The following DYM variants were observed in gnomAD, a reference collection of about 807,000 sequenced individuals.
DYM encodes dymeclin.
Under a neutral mutation model 93.1 loss-of-function variants are expected in DYM, and 78 were observed. The ratio of observed to expected loss-of-function variants is 0.84; its 90% CI spans 0.70 to 1.01. DYM has a LOEUF of 1.01. Among genes scored for constraint, DYM ranks in the 50% least tolerant of loss-of-function variants. The pLI, the probability that DYM is intolerant of heterozygous loss-of-function variation, is 0.00. For missense variants in DYM, 789 were observed against 845.0 expected (o/e 0.93, Z 0.82); for synonymous variants, 321 against 319.7 (o/e 1.00, Z -0.04).
chr18:49,051,130 G>T (rs766408451), intron 17 of DYM, among the ~76,000 whole-genome samples: 1 of 152,210 alleles, frequency 6.6e-6, no homozygotes, highest in Non-Finnish European at 1.5e-5. Flanking sequence ...GGACCTGAGT[G>T]TGCCCTTAGA....
chr18:49,291,356 C>T (rs931376493), intron 8 of DYM, among the ~76,000 whole-genome samples: 2 of 152,100 alleles, frequency 1.3e-5, no homozygotes, highest in Non-Finnish European at 2.9e-5. Flanking sequence ...ACTGAACACA[C>T]AAAATAAAGT....
At chr18:49,216,532 G>A (rs1383223872) in intron 13 of DYM, among the ~76,000 whole-genome samples, 1 of 152,112 alleles carries the variant, frequency 6.6e-6, no homozygotes. Flanking sequence ...ATCTCACACG[G>A]CCGGGTACTC....
chr18:49,370,884 G>A (rs752357469), intron 5 of DYM, among the ~76,000 whole-genome samples: 9 of 152,182 alleles, frequency 5.9e-5, no homozygotes, highest in Non-Finnish European at 1.2e-4. Flanking sequence ...GCATTGATGG[G>A]CTTCCCAGAA....
At chr18:49,110,123 C>T (rs1599821024) in intron 16 of DYM, among the ~76,000 whole-genome samples, 1 of 152,184 alleles carries the variant, frequency 6.6e-6, no homozygotes, top group Non-Finnish European at 1.5e-5. Context: ...TCTATGGCTG[C>T]CATTGAATTA....
intron 8 of DYM, among the ~76,000 whole-genome samples, chr18:49,324,042 C>T (rs1434343314): frequency 7.1e-6 from 1 of 141,176 alleles, no homozygotes; most frequent in Non-Finnish European, 1.5e-5. Context: ...AGCTGAGGCA[C>T]GACAATCGCT....
chr18:49,289,920 A>T (rs968157401), intron 8 of DYM, among the ~76,000 whole-genome samples: 2 of 151,478 alleles, frequency 1.3e-5, no homozygotes, highest in Admixed American at 1.3e-4. Context: ...TTTTTAAAAG[A>T]CTGATAACAC....
At chr18:49,261,738 AG>A (rs1256562730) in intron 11 of DYM, among the ~76,000 whole-genome samples, 36 of 152,346 alleles carry the variant, frequency 2.4e-4, no homozygotes, top group African/African-American at 8.7e-4. Context: ...TGTTTGGGAA[AG>A]TACAAAAAAC....
intron 16 of DYM, among the ~76,000 whole-genome samples, chr18:49,102,106 C>A (rs957293163): frequency 6.6e-6 from 1 of 152,146 alleles, no homozygotes; most frequent in African/African-American, 2.4e-5. Flanking sequence ...GCATCTACTG[C>A]ATAGGAACCA....
intron 13 of DYM, among the ~76,000 whole-genome samples, chr18:49,255,056 G>A (rs1405820777): frequency 1.3e-5 from 2 of 152,058 alleles, no homozygotes; most frequent in Non-Finnish European, 2.9e-5. Context: ...AATGTATTAA[G>A]ACCAGACATA....
At position 49,444,940 on chromosome 18, in the gene DYM, T is replaced by C. The variant is rs1255680840; in HGVS notation, c.-53-14493A>G. Among the ~76,000 whole-genome samples the C allele has an allele frequency of 4.6e-5, 7 of 152,304 alleles. No individual in the cohort carries two copies. The East Asian group carries it at 1.3e-3, about 29-fold the overall frequency. On this transcript the variant is annotated intron_variant, in intron 1 of 17. Coordinates refer to ENST00000675505, the MANE Select transcript of DYM (RefSeq NM_001353214.3). Reference sequence around the variant, plus strand: ...ATCAGCATTAATAGGTGGTTAATGCTGCATCTATAATCAATTTTGATGATA... The same window carrying C: ...ATCAGCATTAATAGGTGGTTAATGCCGCATCTATAATCAATTTTGATGATA...
At chr18:49,412,344 T>C (rs78036521) in intron 2 of DYM, among the ~76,000 whole-genome samples, 3 of 151,824 alleles carry the variant, frequency 2.0e-5, no homozygotes, top group Non-Finnish European at 4.4e-5. Flanking sequence ...CTTTAAAGGA[T>C]ATATTTCCCC....
chr18:49,259,837 C>G (rs2094462278), intron 11 of DYM, among the ~76,000 whole-genome samples: 1 of 152,118 alleles, frequency 6.6e-6, no homozygotes, highest in Non-Finnish European at 1.5e-5. Context: ...CATGAAGATC[C>G]ATGCTACTAT....
chr18:49,039,271 A>G lies in DYM; in HGVS notation c.*4784T>C, dbSNP rs749803967. 6.6e-6 allele frequency among the ~76,000 whole-genome samples: 1 copy of G among 152,212 alleles called. No homozygotes were observed. The highest frequency in any genetic ancestry group is 2.1e-4 in the South Asian group (1 of 4,830). On this transcript the variant is annotated 3_prime_UTR_variant, in exon 18 of 18. Coordinates refer to ENST00000675505, the MANE Select transcript of DYM (RefSeq NM_001353214.3). ...TTGTTTCTGCTGAGAAGGAGCTGTCAGTCTAATATTATTGCTCCTTTAATG... is the reference window on the plus strand; with the variant it reads ...TTGTTTCTGCTGAGAAGGAGCTGTCGGTCTAATATTATTGCTCCTTTAATG...
At chr18:49,235,356 C>G (rs555355525) in intron 13 of DYM, among the ~76,000 whole-genome samples, 2 of 152,124 alleles carry the variant, frequency 1.3e-5, no homozygotes, top group African/African-American at 4.8e-5. Flanking sequence ...GAACCTAAAT[C>G]TGACTGATAC....
intron 15 of DYM, among the ~76,000 whole-genome samples, chr18:49,161,004 T>C (rs956979684): frequency 2.6e-5 from 4 of 151,506 alleles, no homozygotes; most frequent in African/African-American, 9.7e-5. Context: ...CAATTAAATC[T>C]GAGAAAAGGC....
intron 16 of DYM, among the ~76,000 whole-genome samples, chr18:49,100,731 G>A (rs551779104): frequency 6.6e-6 from 1 of 152,238 alleles, no homozygotes; most frequent in East Asian, 1.9e-4. Context: ...TATACTATTT[G>A]TTTAATTCTC....
intron 6 of DYM, among the ~76,000 whole-genome samples, chr18:49,335,812 CTTTT>C (rs35594525): frequency 1.4e-5 from 2 of 147,208 alleles, no homozygotes; most frequent in African/African-American, 5.0e-5. Context: ...CGTTTTCTGT[CTTTT>C]TTTTTTTTCT....
chr18:49,298,496 G>C (rs1474138140), intron 8 of DYM, among the ~76,000 whole-genome samples: 1 of 151,196 alleles, frequency 6.6e-6, no homozygotes, highest in East Asian at 1.9e-4. Flanking sequence ...CAGGAGAATT[G>C]CTTGAACCTG....
chr18:49,122,058 A>G (rs934850566), intron 15 of DYM, among the ~76,000 whole-genome samples: 1 of 152,212 alleles, frequency 6.6e-6, no homozygotes, highest in African/African-American at 2.4e-5. Context: ...GGTTTATAGC[A>G]TATATATGTA....
Sources: gnomAD v4.1 joint callset for allele counts (sites outside exome capture counted in the v4.1 genomes callset) on GRCh38, gnomAD v4.1.1 for gene constraint, MANE v1.5 for transcripts, NCBI Gene and HGNC (gene_info 2026-07-23, HGNC 2026-07-21) for gene names.